Variants in ADAM19 observed in about 807,000 individuals in gnomAD.
The protein encoded by ADAM19 is disintegrin and metalloproteinase domain-containing protein 19.
ADAM19 carries 65 observed loss-of-function variants against 114.7 expected under a neutral mutation model. That is an observed-to-expected ratio of 0.57 (90% CI 0.46 to 0.70). The LOEUF (loss-of-function observed/expected upper bound fraction) is 0.70. Ranked by LOEUF, ADAM19 falls within the 30% of genes least tolerant of loss-of-function variation. The pLI is 0.00. For synonymous variants in ADAM19, 466 were observed against 460.5 expected, an observed-to-expected ratio of 1.01 and a Z score of -0.15; for missense variants, 1,063 against 1,204.7, an observed-to-expected ratio of 0.88 and a Z score of 1.74.
chr5:157,507,394 A>G (rs1755780279), intron 9 of ADAM19, among the ~76,000 whole-genome samples: 1 of 152,212 alleles, frequency 6.6e-6, no homozygotes, highest in Admixed American at 6.5e-5. Context: ...ATCTCCCACA[A>G]TATACCCATA....
intron 4 of ADAM19, among the ~76,000 whole-genome samples, chr5:157,531,454 G>T (rs1756621252): frequency 6.6e-6 from 1 of 152,082 alleles, no homozygotes; most frequent in Non-Finnish European, 1.5e-5. Flanking sequence ...ATCACTTGAG[G>T]TCAGGAGTTC....
At chr5:157,535,602 C>T (rs1309839307) in intron 4 of ADAM19, among the ~76,000 whole-genome samples, 1 of 152,220 alleles carries the variant, frequency 6.6e-6, no homozygotes, top group Non-Finnish European at 1.5e-5. Flanking sequence ...ACAAGACCTT[C>T]TGGAAGGAGG....
intron 3 of ADAM19, among the ~76,000 whole-genome samples, chr5:157,551,221 A>G (rs1233239466): frequency 1.3e-5 from 2 of 152,028 alleles, no homozygotes; most frequent in African/African-American, 4.8e-5. Context: ...CCTGGCCAAC[A>G]TGGTGAAATC....
chr5:157,575,636 G>C lies in ADAM19; in HGVS notation c.61C>G (p.Arg21Gly), dbSNP rs1218556791. ...CCAGGCTCCCGCGCCGCCCGCGGCC[G>C]GAGGGGCTGCAGGGCAAACGCCAGC... ...CLLAFALQPLRPRAAREPGWT... is the reference protein window; with the variant it reads ...CLLAFALQPLGPRAAREPGWT... The change falls in exon 1 of 23, where the codon CGG becomes GGG. Residue 21 changes from arginine to glycine, a missense_variant. Transcript: ENST00000257527. 6 of 1,437,920 alleles carry C rather than the reference G, an allele frequency of 4.2e-6. No homozygotes were observed. The highest frequency in any genetic ancestry group is 5.4e-6 in the Non-Finnish European group (6 of 1,102,084). The allele number at this position is 1,437,920 out of a possible 1,614,324, so 89.1% of individuals were successfully genotyped here.
intron 20 of ADAM19, among the ~76,000 whole-genome samples, chr5:157,488,754 G>A (rs1011049695): frequency 7.2e-5 from 11 of 152,162 alleles, no homozygotes; most frequent in Non-Finnish European, 1.2e-4. Flanking sequence ...CATGGCGGCC[G>A]GGCATGGTGG....
intron 21 of ADAM19, 34 bp downstream of exon 21, chr5:157,488,231 G>A: frequency 1.3e-6 from 2 of 1,591,802 alleles, no homozygotes; most frequent in Non-Finnish European, 1.7e-6. Context: ...TAAAAGCAAT[G>A]TTCCCAGCCC....
intron 14 of ADAM19, among the ~76,000 whole-genome samples, chr5:157,495,349 T>G (rs914747544): frequency 2.0e-5 from 3 of 152,082 alleles, no homozygotes; most frequent in Non-Finnish European, 2.9e-5. Flanking sequence ...TATTTGTGTG[T>G]GGGGAGGGTT....
chr5:157,494,206 G>A (rs1047860054), intron 15 of ADAM19, among the ~76,000 whole-genome samples: 1 of 151,910 alleles, frequency 6.6e-6, no homozygotes, highest in South Asian at 2.1e-4. Context: ...GTGAGTGGGT[G>A]GTGGAGGATG....
At chr5:157,541,427 G>A (rs1244302007) in intron 3 of ADAM19, among the ~76,000 whole-genome samples, 2 of 152,148 alleles carry the variant, frequency 1.3e-5, no homozygotes, top group African/African-American at 4.8e-5. Flanking sequence ...GTGCTCAGGA[G>A]CCCACGGACA....
intron 5 of ADAM19, among the ~76,000 whole-genome samples, chr5:157,528,890 G>C (rs1756547181): frequency 1.3e-5 from 2 of 152,310 alleles, no homozygotes; most frequent in Admixed American, 1.3e-4. Flanking sequence ...CACCTGTGTA[G>C]GGTATGGGCA....
At chr5:157,526,173 T>C (rs13164499) in intron 5 of ADAM19, among the ~76,000 whole-genome samples, 12,742 of 109,064 alleles carry the variant, frequency 0.12, 688 homozygotes, top group African/African-American at 0.23. Context: ...TATATATATA[T>C]ACACACACAC....
chr5:157,483,531 CG>C (rs1561838524), intron 21 of ADAM19, among the ~76,000 whole-genome samples: 1 of 151,966 alleles, frequency 6.6e-6, no homozygotes. Flanking sequence ...GCACGCTCAC[CG>C]CCTAATAGAA....
chr5:157,543,346 G>A (rs570232095), intron 3 of ADAM19, among the ~76,000 whole-genome samples: 6 of 152,292 alleles, frequency 3.9e-5, no homozygotes, highest in Middle Eastern at 3.4e-3. Context: ...GTATCACAGC[G>A]ATGCTGAGGA....
At chr5:157,574,175 A>C (rs6556090) in intron 1 of ADAM19, among the ~76,000 whole-genome samples, 31,174 of 152,144 alleles carry the variant, frequency 0.2, 4,561 homozygotes, top group African/African-American at 0.41. Flanking sequence ...GGGAAAAAAA[A>C]CAAAATATCA....
At chr5:157,516,755 AG>A (rs1756102352) in intron 7 of ADAM19, among the ~76,000 whole-genome samples, 1 of 152,162 alleles carries the variant, frequency 6.6e-6, no homozygotes, top group Admixed American at 6.5e-5. Flanking sequence ...AGAGGAGCTC[AG>A]TTTTCTTCCA....
intron 22 of ADAM19, 78 bp downstream of exon 22, chr5:157,481,713 T>C (rs942042041): frequency 1.3e-5 from 20 of 1,551,730 alleles, no homozygotes; most frequent in Non-Finnish European, 1.7e-5. Flanking sequence ...TGAATTGCTT[T>C]GTTTTCTCAA....
At chr5:157,549,816 T>C (rs539494499) in intron 3 of ADAM19, among the ~76,000 whole-genome samples, 1 of 152,264 alleles carries the variant, frequency 6.6e-6, no homozygotes, top group East Asian at 1.9e-4. Flanking sequence ...GAAATCAAAC[T>C]TGTAGAATGG....
rs1036884340 is a variant in ADAM19 at position 157,520,084 on chromosome 5, T to C, written c.408-53A>G. 1.5e-5 allele frequency: 23 copies of C among 1,547,768 alleles called. No homozygotes were observed. The African/African-American group carries it at 2.2e-4, about 15-fold the overall frequency. On this transcript the variant is annotated intron_variant, in intron 5 of 22. Coordinates refer to ENST00000257527, the MANE Select transcript of ADAM19 (RefSeq NM_033274.5). ...GTCAAAGATTATGGTTCTGAAAAAG[T>C]CCCTTGTGTAGGTCTTAGTTTCTCC...
intron 9 of ADAM19, among the ~76,000 whole-genome samples, 159 bp from the exon 10 acceptor site, chr5:157,507,299 C>A (rs868989): frequency 0.69 from 105,404 of 152,114 alleles, 37,178 homozygotes; most frequent in East Asian, 0.93. Context: ...AACTGGACAA[C>A]TTCCAGCTCA....
Sources: allele counts gnomAD v4.1 joint callset (sites outside exome capture counted in the v4.1 genomes callset), GRCh38; gene constraint gnomAD v4.1.1; transcripts MANE v1.5; gene names NCBI Gene and HGNC (gene_info 2026-07-23, HGNC 2026-07-21).